Variants in PIM1 observed in about 807,000 individuals in gnomAD.
PIM1 encodes the protein Pim-1 proto-oncogene, serine/threonine kinase, also known as serine/threonine-protein kinase pim-1.
Under a neutral mutation model 34.5 loss-of-function variants are expected in PIM1, and 9 were observed. That is an observed-to-expected ratio of 0.26 (90% CI 0.16 to 0.46). The LOEUF (loss-of-function observed/expected upper bound fraction) is 0.46, where lower values mean the gene tolerates loss of function less well. Ranked by LOEUF, PIM1 falls within the 20% of genes least tolerant of loss-of-function variation. The probability of loss-of-function intolerance (pLI) is 1.00; values close to 1 mark genes in which losing one functional copy is unlikely to be tolerated. For missense variants in PIM1, 274 were observed against 410.9 expected, an observed-to-expected ratio of 0.67 and a Z score of 2.88; for synonymous variants, 199 against 175.2, an observed-to-expected ratio of 1.14 and a Z score of -1.07.
Position 37,170,488 on chromosome 6 carries a change from C to G in PIM1, c.-88C>G, listed in dbSNP as rs1455271779. On this transcript the variant is annotated 5_prime_UTR_variant, in exon 1 of 6. Transcript: ENST00000373509. ...GCAGCCACAGCCACAGCCACAGCCCCAGGCATAGCCTTCGGCACAGCCCCG... is the reference window on the plus strand; with the variant it reads ...GCAGCCACAGCCACAGCCACAGCCCGAGGCATAGCCTTCGGCACAGCCCCG... 6.3e-7 allele frequency: 1 copy of G among 1,586,844 alleles called. No individual in the cohort carries two copies. Among genetic ancestry groups the G allele is most frequent in the Non-Finnish European group, 8.5e-7 (1 of 1,170,958 alleles).
intron 4 of PIM1, 118 bp from the exon 5 acceptor site, chr6:37,172,878 G>T: frequency 1.1e-6 from 1 of 877,594 alleles, no homozygotes. Flanking sequence ...AGTTCACCTA[G>T]CTCCTGAGAG....
chr6:37,171,093 C>G (rs2113769906), intron 3 of PIM1, 32 bp from the exon 4 acceptor site: 3 of 1,613,824 alleles, frequency 1.9e-6, no homozygotes, highest in Non-Finnish European at 2.5e-6. Context: ...GCCCCCGACT[C>G]CCGCCCTAAC....
At position 37,170,247 on chromosome 6, in the gene PIM1, GGCAGCAGCA is replaced by G. The variant is rs59116171; in HGVS notation, c.-307_-299del. On this transcript the variant is annotated 5_prime_UTR_variant, in exon 1 of 6. Coordinates refer to ENST00000373509, the MANE Select transcript of PIM1 (RefSeq NM_002648.4). ...CGGTGGCAGCGGCGGCGGCGGGACCGGCAGCAGCAGCAGCAGCAGCAGCAGCAGCAACCA... is the reference window on the plus strand; with the variant it reads ...CGGTGGCAGCGGCGGCGGCGGGACCGGCAGCAGCAGCAGCAGCAGCAACCA... 143 of 1,202,862 alleles carry G rather than the reference GGCAGCAGCA, an allele frequency of 1.2e-4. No homozygotes were observed. The highest frequency in any genetic ancestry group is 3.2e-4 in the South Asian group (18 of 56,508). The allele number at this position is 1,202,862 out of a possible 1,614,324, so 74.5% of individuals were successfully genotyped here.
chr6:37,175,025 A>G lies in PIM1; in HGVS notation c.*934A>G, dbSNP rs564748920. The stretch of plus-strand genomic sequence containing the variant: ...TATTTATTTATTTGGTTCCCTTCCT[A>G]TTCCAAGCTTCCATAGCTGCTGCCC... On this transcript the variant is annotated 3_prime_UTR_variant, in exon 6 of 6. Transcript: ENST00000373509. 1 of 233,490 alleles carries G rather than the reference A, an allele frequency of 4.3e-6. No individual in the cohort carries two copies. Among genetic ancestry groups the G allele is most frequent in the African/African-American group, 2.2e-5 (1 of 45,430 alleles). The allele number at this position is 233,490 out of a possible 1,614,324, so 14.5% of individuals were successfully genotyped here.
chr6:37,171,089 G>C (rs746683813), intron 3 of PIM1, 36 bp from the exon 4 acceptor site: 2 of 1,613,720 alleles, frequency 1.2e-6, no homozygotes, highest in Admixed American at 1.7e-5. Context: ...GGGCGCCCCC[G>C]ACTCCCGCCC....
intron 4 of PIM1, chr6:37,172,413 G>A (rs1762305771): frequency 2.8e-6 from 1 of 353,570 alleles, no homozygotes; most frequent in Non-Finnish European, 5.6e-6. Flanking sequence ...TTTGTAAACA[G>A]GAATCACGTG....
At chr6:37,172,875 C>T (rs2113771561) in intron 4 of PIM1, 121 bp from the exon 5 acceptor site, 1 of 871,690 alleles carries the variant, frequency 1.1e-6, no homozygotes, top group East Asian at 2.6e-5. Flanking sequence ...TGGAGTTCAC[C>T]TAGCTCCTGA....
chr6:37,171,597 G>A, intron 4 of PIM1, 106 bp downstream of exon 4: 2 of 1,383,850 alleles, frequency 1.4e-6, no homozygotes, highest in Non-Finnish European at 9.7e-7. Flanking sequence ...AGGTCATTGG[G>A]CCGCCTGGCT....
rs1226962732 is a variant in PIM1, at chr6:37,174,374, TG to T, written c.*289del. 3 of 72,262 alleles carry T rather than the reference TG, an allele frequency of 4.2e-5. No individual in the cohort carries two copies. Among genetic ancestry groups the T allele is most frequent in the Admixed American group, 2.1e-4 (1 of 4,860 alleles). 4.5% of individuals were successfully genotyped at this position (72,262 alleles called of 1,614,324 possible). On this transcript the variant is annotated 3_prime_UTR_variant, in exon 6 of 6. Coordinates refer to ENST00000373509, the MANE Select transcript of PIM1 (RefSeq NM_002648.4). The stretch of plus-strand genomic sequence containing the variant: ...GCTGGACTCTGAAATATCCCGGGGG[TG>T]GGGGGTGGGGGTGGGTCAGAACCCT...
rs1158269487 is a variant in PIM1 at position 37,174,801 on chromosome 6, T to TCA, written c.*719_*720dup. ...ACTTAACTGTTTCAAAGCCAAGACC[T>TCA]CACACACACAAAAAATGCACAAACA... On this transcript the variant is annotated 3_prime_UTR_variant, in exon 6 of 6. Coordinates refer to ENST00000373509, the MANE Select transcript of PIM1 (RefSeq NM_002648.4). 4.3e-6 allele frequency: 1 copy of TCA among 233,540 alleles called. No individual in the cohort carries two copies. The highest frequency in any genetic ancestry group is 8.5e-6 in the Non-Finnish European group (1 of 118,068). The allele number at this position is 233,540 out of a possible 1,614,324, so 14.5% of individuals were successfully genotyped here.
At position 37,173,162 on chromosome 6, in the gene PIM1, G is replaced by A; in HGVS notation, c.774G>A (p.Arg258=). ...GGGGCCAGGTTTTCTTCAGGCAGAG[G>A]GTCTCTTCAGGTAACTGATGGAAAC... ...IIRGQVFFRQ[R]VSSECQHLIR... is the part of the protein sequence containing the mutation. Residue 258 remains arginine (R), a synonymous_variant, in exon 5 of 6, where the codon AGG becomes AGA. Transcript: ENST00000373509. The A allele has an allele frequency of 3.7e-6, 6 of 1,614,072 alleles. No individual in the cohort carries two copies. Among genetic ancestry groups the A allele is most frequent in the Non-Finnish European group, 2.5e-6 (3 of 1,179,998 alleles).
chr6:37,170,498 C>A lies in PIM1; in HGVS notation c.-78C>A. 1 of 1,596,978 alleles carries A rather than the reference C, an allele frequency of 6.3e-7. No homozygotes were observed. The highest frequency in any genetic ancestry group is 8.5e-7 in the Non-Finnish European group (1 of 1,174,938). Reference sequence around the variant, plus strand: ...CCACAGCCACAGCCCCAGGCATAGCCTTCGGCACAGCCCCGGCTCCGGCTC... The same window carrying A: ...CCACAGCCACAGCCCCAGGCATAGCATTCGGCACAGCCCCGGCTCCGGCTC... On this transcript the variant is annotated 5_prime_UTR_variant, in exon 1 of 6. Coordinates refer to ENST00000373509, the MANE Select transcript of PIM1 (RefSeq NM_002648.4).
At chr6:37,172,341 C>T in intron 4 of PIM1, 2 of 306,102 alleles carry the variant, frequency 6.5e-6, no homozygotes, top group African/African-American at 2.2e-5. Context: ...TCTTTCAAGT[C>T]TTTGCTGCCC....
Position 37,174,182 on chromosome 6 carries a change from C to A in PIM1, c.*91C>A. The A allele has an allele frequency of 7.8e-7, 1 of 1,285,462 alleles. No individual in the cohort carries two copies. Among genetic ancestry groups the A allele is most frequent in the Non-Finnish European group, 1.1e-6 (1 of 921,902 alleles). 79.6% of individuals were successfully genotyped at this position (1,285,462 alleles called of 1,614,324 possible). A position where few individuals can be genotyped will look rare whatever the true frequency, so the allele number is the denominator to read the frequency against. On this transcript the variant is annotated 3_prime_UTR_variant, in exon 6 of 6. Coordinates refer to ENST00000373509, the MANE Select transcript of PIM1 (RefSeq NM_002648.4). ...AGCTTCCCGAGTACCAGTGACACGTCTCGCCAAGCAGGACAGTGCTTGATA... is the reference window on the plus strand; with the variant it reads ...AGCTTCCCGAGTACCAGTGACACGTATCGCCAAGCAGGACAGTGCTTGATA...
rs35326854 is a variant in PIM1, at chr6:37,174,746, C to G, written c.*655C>G. ...TTTTCTGCCTCCTTTAGTAAAACTC[C>G]GAGTGAACTGGTCTTCCTTTTTGGT... is the stretch of plus-strand genomic sequence containing the variant. On this transcript the variant is annotated 3_prime_UTR_variant, in exon 6 of 6. Transcript: ENST00000373509. 12 of 233,670 alleles carry G rather than the reference C, an allele frequency of 5.1e-5. No homozygotes were observed. The South Asian group carries it at 2.2e-3, about 42-fold the overall frequency. The allele number at this position is 233,670 out of a possible 1,614,324, so 14.5% of individuals were successfully genotyped here. A position where few individuals can be genotyped will look rare whatever the true frequency, so the allele number is the denominator to read the frequency against.
chr6:37,171,525 A>T (rs764909099), intron 4 of PIM1, 34 bp downstream of exon 4: 6 of 1,603,526 alleles, frequency 3.7e-6, no homozygotes, highest in Admixed American at 3.4e-5. Flanking sequence ...TGCCCAGGTG[A>T]CTCGGCCCGG....
At chr6:37,171,543 C>T (rs1469205507) in intron 4 of PIM1, 52 bp downstream of exon 4, 2 of 1,585,378 alleles carry the variant, frequency 1.3e-6, no homozygotes, top group Non-Finnish European at 1.7e-6. Flanking sequence ...CGGCCCGGCC[C>T]AGTCCGGAGG....
chr6:37,172,908 T>TA (rs377413008), intron 4 of PIM1, 88 bp from the exon 5 acceptor site: 36 of 1,045,638 alleles, frequency 3.4e-5, no homozygotes, highest in African/African-American at 1.6e-4. Context: ...TTTTTTTTTT[T>TA]AAAAGAAAGA....
chr6:37,171,227 A>G lies in PIM1; in HGVS notation c.343A>G (p.Ser115Gly). The G allele has an allele frequency of 6.2e-7, 1 of 1,614,006 alleles. No individual in the cohort carries two copies. The highest frequency in any genetic ancestry group is 8.5e-7 in the Non-Finnish European group (1 of 1,180,016). The stretch of plus-strand genomic sequence containing the variant: ...CCTGGACTGGTTCGAGAGGCCCGAC[A>G]GTTTCGTCCTGATCCTGGAGAGGCC... ...RLLDWFERPDSFVLILERPEP... is the reference protein window; with the variant it reads ...RLLDWFERPDGFVLILERPEP... Residue 115 changes from serine to glycine, a missense_variant, in exon 4 of 6, where the codon AGT (serine) becomes GGT (glycine). By Grantham distance (56) the Ser-to-Gly change is moderately conservative (BLOSUM62 0). Around this residue, in one of 2 missense-constraint regions of PIM1, gnomAD observed 168 missense variants for 299.4 expected, o/e 0.56. Transcript: ENST00000373509.
Sources: gnomAD v4.1 joint callset for allele counts on GRCh38, gnomAD v4.1.1 for gene constraint, gnomAD v4.1.1 regional missense constraint, MANE v1.5 for transcripts, NCBI Gene and HGNC (gene_info 2026-07-23, HGNC 2026-07-21) for gene names.